Variants in POR observed in about 807,000 individuals in gnomAD.
POR encodes NADPH--cytochrome P450 reductase.
In POR, 56 loss-of-function variants were observed where a neutral mutation model predicts 84.0. The ratio of observed to expected loss-of-function variants is 0.67; its 90% CI spans 0.54 to 0.83. POR has a LOEUF of 0.83. POR is among the 40% of genes least tolerant of loss of function. The pLI is 0.00. For missense variants in POR, 938 were observed against 944.3 expected (o/e 0.99, Z 0.09); for synonymous variants, 414 against 400.5 (o/e 1.03, Z -0.40).
In POR at chr7:75,985,647, C is replaced by T. The variant is rs1554559086; in HGVS notation, c.1467C>T (p.Asn489=). 3.1e-6 allele frequency: 5 copies of T among 1,594,812 alleles called. No homozygotes were observed. The highest frequency in any genetic ancestry group is 2.3e-5 in the East Asian group (1 of 44,088). The change falls in exon 13 of 16, where the codon AAC becomes AAT. Residue 489 remains asparagine (N), a synonymous_variant. Transcript: ENST00000461988. Reference sequence around the variant, plus strand: ...ACGAGACCAAGGCTGGCCGCATCAACAAGGGCGTGGCCACCAACTGGCTGC... The same window carrying T: ...ACGAGACCAAGGCTGGCCGCATCAATAAGGGCGTGGCCACCAACTGGCTGC...
intron 1 of POR, among the ~76,000 whole-genome samples, chr7:75,950,683 TAAGTA>T (rs1252430280): frequency 4.6e-5 from 7 of 152,214 alleles, no homozygotes; most frequent in African/African-American, 1.7e-4. Flanking sequence ...TGACTAGCAT[TAAGTA>T]AATATTAAAT....
Position 75,982,865 on chromosome 7 carries a change from C to T in POR, c.830+543C>T, listed in dbSNP as rs114031651. On this transcript the variant is annotated intron_variant, in intron 8 of 15. Coordinates refer to ENST00000461988, the MANE Select transcript of POR (RefSeq NM_000941.3). The stretch of plus-strand genomic sequence containing the variant: ...GGAGTGCAAGTTTCTCTCTTGTCCA[C>T]GGTGTAGTCCAGGACGTGTGGGGGT... 6.6e-3 allele frequency among the ~76,000 whole-genome samples: 1,010 copies of T among 152,276 alleles called. 21 individuals carry two copies. The highest frequency in any genetic ancestry group is 0.023 in the African/African-American group (962 of 41,552).
rs1007356570 is a variant in POR at position 75,954,016 on chromosome 7, C to T, written c.24C>T (p.His8=). 7 of 1,603,338 alleles carry T rather than the reference C, an allele frequency of 4.4e-6. No homozygotes were observed. The highest frequency in any genetic ancestry group is 5.1e-6 in the Non-Finnish European group (6 of 1,174,684). The change falls in exon 2 of 16, where the codon CAC becomes CAT. Residue 8 remains histidine (H), a synonymous_variant. Transcript: ENST00000461988. ...TCATGATCAACATGGGAGACTCCCACGTGGACACCAGCTCCACCGTGTCCG... is the reference window on the plus strand; with the variant it reads ...TCATGATCAACATGGGAGACTCCCATGTGGACACCAGCTCCACCGTGTCCG...
intron 1 of POR, chr7:75,915,882 A>G (rs929760738): frequency 6.6e-6 from 1 of 152,196 alleles, no homozygotes; most frequent in Non-Finnish European, 1.5e-5. Flanking sequence ...AGTGAGCTTG[A>G]TTGACTTCGA....
At chr7:75,927,853 T>C (rs1807211182) in intron 1 of POR, among the ~76,000 whole-genome samples, 1 of 151,684 alleles carries the variant, frequency 6.6e-6, no homozygotes, top group African/African-American at 2.4e-5. Flanking sequence ...GTATTTTTAG[T>C]AGAGACGGGG....
At chr7:75,963,300 A>C (rs903587343) in intron 2 of POR, among the ~76,000 whole-genome samples, 6 of 152,188 alleles carry the variant, frequency 3.9e-5, no homozygotes, top group African/African-American at 7.2e-5. Flanking sequence ...CAGGGGGCCC[A>C]CTGCCTCCCG....
At chr7:75,944,672 C>G (rs999698791) in intron 1 of POR, among the ~76,000 whole-genome samples, 3 of 152,158 alleles carry the variant, frequency 2.0e-5, no homozygotes, top group African/African-American at 7.2e-5. Flanking sequence ...ACACCAGCAT[C>G]AGGATGACAC....
intron 1 of POR, among the ~76,000 whole-genome samples, chr7:75,934,285 T>C (rs2116296610): frequency 6.6e-6 from 1 of 152,028 alleles, no homozygotes; most frequent in Non-Finnish European, 1.5e-5. Context: ...AATTCCCTTA[T>C]AACAAGATCC....
In POR at chr7:75,963,222, GA is replaced by G. The variant is rs1788023424; in HGVS notation, c.188+9045del. On this transcript the variant is annotated intron_variant, in intron 2 of 15. Transcript: ENST00000461988. Reference sequence around the variant, plus strand: ...CTTGGCTCCATCGAGCATGAAAAGAGAAATACAAATGAGACTGACAAAGAGG... The same window carrying G: ...CTTGGCTCCATCGAGCATGAAAAGAGAATACAAATGAGACTGACAAAGAGG... Among the ~76,000 whole-genome samples the G allele has an allele frequency of 3.3e-5, 5 of 152,292 alleles. No individual in the cohort carries two copies. In the South Asian group the frequency reaches 1.0e-3, roughly 32 times the overall value.
At position 75,979,482 on chromosome 7, in the gene POR, A is replaced by C. The variant is rs782536134; in HGVS notation, c.269A>C (p.Gln90Pro). The C allele has an allele frequency of 1.5e-5, 24 of 1,613,396 alleles. No homozygotes were observed. Among genetic ancestry groups the C allele is most frequent in the Non-Finnish European group, 2.0e-5 (24 of 1,179,832 alleles). ...AACATCATCGTGTTCTACGGCTCCC[A>C]GACGGGGACTGCAGAGGAGTTTGCC... Residue 90 changes from glutamine (Q) to proline (P), a missense_variant, in exon 4 of 16, where the codon CAG (glutamine) becomes CCG (proline). By Grantham distance (76) the Gln-to-Pro change is moderately conservative. Coordinates refer to ENST00000461988, the MANE Select transcript of POR (RefSeq NM_000941.3).
chr7:75,969,311 C>T (rs562339526), intron 2 of POR, among the ~76,000 whole-genome samples: 6 of 152,162 alleles, frequency 3.9e-5, no homozygotes, highest in Non-Finnish European at 8.8e-5. Context: ...ACGAGAGGGG[C>T]GGGGCCTGTG....
At chr7:75,946,395 T>G (rs1389184629) in intron 1 of POR, among the ~76,000 whole-genome samples, 1 of 151,980 alleles carries the variant, frequency 6.6e-6, no homozygotes, top group African/African-American at 2.4e-5. Context: ...CAGGTGATCC[T>G]CCTACCTCGG....
intron 1 of POR, among the ~76,000 whole-genome samples, chr7:75,933,383 T>G (rs977191050): frequency 5.6e-4 from 49 of 87,558 alleles, no homozygotes; most frequent in Non-Finnish European, 8.5e-4. Context: ...TTTGTTTTTT[T>G]TTTTTTTTTT....
At chr7:75,944,844 C>T (rs77612836) in intron 1 of POR, among the ~76,000 whole-genome samples, 1,707 of 152,178 alleles carry the variant, frequency 0.011, 31 homozygotes, top group African/African-American at 0.032. Flanking sequence ...AATCACCTAA[C>T]CTAAACAACA....
intron 1 of POR, chr7:75,945,335 A>G (rs942139524): frequency 2.6e-5 from 4 of 152,276 alleles, no homozygotes; most frequent in East Asian, 3.9e-4. Context: ...AAAAGTTGCT[A>G]TATTTTGCAA....
chr7:75,960,609 C>T (rs1585111077), intron 2 of POR, among the ~76,000 whole-genome samples: 1 of 152,070 alleles, frequency 6.6e-6, no homozygotes, highest in Admixed American at 6.5e-5. Context: ...ATCCAAAGTC[C>T]CACAGGATCC....
intron 1 of POR, among the ~76,000 whole-genome samples, chr7:75,929,344 A>G (rs1554549909): frequency 6.6e-6 from 1 of 151,910 alleles, no homozygotes; most frequent in East Asian, 1.9e-4. Flanking sequence ...GCTCAGCGCA[A>G]CCTCCGCCTC....
At position 75,979,592 on chromosome 7, in the gene POR, C is replaced by G. The variant is rs72553994; in HGVS notation, c.366+13C>G. ...GGAGTATGACCTGGTAAGCTGCCACCGCGTGCTGGCCCCAGATGGAGGCAG... is the reference window on the plus strand; with the variant it reads ...GGAGTATGACCTGGTAAGCTGCCACGGCGTGCTGGCCCCAGATGGAGGCAG... On this transcript the variant is annotated intron_variant, in intron 4 of 15. Coordinates refer to ENST00000461988, the MANE Select transcript of POR (RefSeq NM_000941.3). The G allele has an allele frequency of 1.9e-6, 3 of 1,612,280 alleles. No individual in the cohort carries two copies. The highest frequency in any genetic ancestry group is 2.5e-6 in the Non-Finnish European group (3 of 1,179,594).
chr7:75,923,449 C>A, intron 1 of POR: 1 of 559,224 alleles, frequency 1.8e-6, no homozygotes, highest in South Asian at 2.1e-5. Context: ...TGAACTAGAG[C>A]CAGGTGCCAA....
Sources: gnomAD v4.1 joint callset for allele counts (sites outside exome capture counted in the v4.1 genomes callset) on GRCh38, gnomAD v4.1.1 for gene constraint, MANE v1.5 for transcripts, NCBI Gene and HGNC (gene_info 2026-07-23, HGNC 2026-07-21) for gene names.